The following PKN2 variants were observed in gnomAD, a reference collection of about 807,000 sequenced individuals.
PKN2 encodes the protein serine/threonine-protein kinase N2.
In PKN2, 38 loss-of-function variants were observed where a neutral mutation model predicts 119.1. The observed-to-expected ratio is 0.32, with a 90% CI of 0.25 to 0.42. The LOEUF is 0.42. Ranked by LOEUF, PKN2 falls within the 10% of genes least tolerant of loss-of-function variation. The pLI is 1.00. For missense variants in PKN2, 850 were observed against 1,165.1 expected, an observed-to-expected ratio of 0.73 and a Z score of 3.94; for synonymous variants, 390 against 384.9, an observed-to-expected ratio of 1.01 and a Z score of -0.15.
intron 8 of PKN2, among the ~76,000 whole-genome samples, chr1:88,791,430 A>C (rs1390051420): frequency 7.4e-6 from 1 of 135,146 alleles, no homozygotes; most frequent in East Asian, 2.0e-4. Flanking sequence ...ACTCTGTCTC[A>C]AAAAAAAAAA....
chr1:88,730,528 A>T (rs1668106466), intron 1 of PKN2, among the ~76,000 whole-genome samples: 1 of 152,252 alleles, frequency 6.6e-6, no homozygotes, highest in Non-Finnish European at 1.5e-5. Context: ...AAAAGCTTTC[A>T]TCAAAATCCT....
chr1:88,757,934 C>T (rs1009392250), intron 2 of PKN2, among the ~76,000 whole-genome samples: 2 of 147,434 alleles, frequency 1.4e-5, no homozygotes, highest in Admixed American at 6.9e-5. Context: ...ACTAGCTACT[C>T]GGGAGGCTGA....
chr1:88,816,325 C>T (rs1181335730), intron 16 of PKN2, among the ~76,000 whole-genome samples: 1 of 152,134 alleles, frequency 6.6e-6, no homozygotes, highest in Non-Finnish European at 1.5e-5. Context: ...TGGCTCACTA[C>T]AACCTCTGCC....
intron 16 of PKN2, among the ~76,000 whole-genome samples, chr1:88,814,986 G>A (rs1671926525): frequency 6.6e-6 from 1 of 152,166 alleles, no homozygotes; most frequent in African/African-American, 2.4e-5. Flanking sequence ...TCAAGTTTCA[G>A]ATGAGGGACA....
chr1:88,777,020 C>A (rs529390477), intron 6 of PKN2, among the ~76,000 whole-genome samples: 1 of 152,154 alleles, frequency 6.6e-6, no homozygotes. Flanking sequence ...TCTTTCTTCT[C>A]CCTCTGAGAC....
chr1:88,775,228 T>G (rs1670046004), intron 6 of PKN2, among the ~76,000 whole-genome samples: 1 of 152,144 alleles, frequency 6.6e-6, no homozygotes, highest in East Asian at 1.9e-4. Context: ...CCTCCCAAAG[T>G]GCTAGGATTA....
At chr1:88,776,288 T>C (rs1275614492) in intron 6 of PKN2, among the ~76,000 whole-genome samples, 3 of 137,540 alleles carry the variant, frequency 2.2e-5, no homozygotes, top group African/African-American at 2.6e-5. Context: ...TTCATTTCAA[T>C]CTAAAAGGCT....
At chr1:88,794,135 A>T (rs1160641525) in intron 8 of PKN2, among the ~76,000 whole-genome samples, 1 of 152,210 alleles carries the variant, frequency 6.6e-6, no homozygotes, top group East Asian at 1.9e-4. Flanking sequence ...TGGGAGGCTG[A>T]GGCAGGCAGA....
At chr1:88,824,994 G>A (rs1052051455) in intron 18 of PKN2, among the ~76,000 whole-genome samples, 1 of 152,194 alleles carries the variant, frequency 6.6e-6, no homozygotes, top group African/African-American at 2.4e-5. Flanking sequence ...AATGGACATA[G>A]TTCTTTCTGT....
intron 8 of PKN2, among the ~76,000 whole-genome samples, chr1:88,791,924 T>C (rs1398765779): frequency 6.6e-6 from 1 of 151,928 alleles, no homozygotes; most frequent in African/African-American, 2.4e-5. Flanking sequence ...TAATGGGGAG[T>C]AAAGCACTAT....
At chr1:88,802,469 GTGCGTGCACCA>G (rs1486971859) in intron 8 of PKN2, among the ~76,000 whole-genome samples, 1 of 152,208 alleles carries the variant, frequency 6.6e-6, no homozygotes, top group African/African-American at 2.4e-5. Context: ...GGGACCACAG[GTGCGTGCACCA>G]CGCCCGGCTA....
At chr1:88,734,127 C>G (rs934421347) in intron 1 of PKN2, among the ~76,000 whole-genome samples, 29 of 151,504 alleles carry the variant, frequency 1.9e-4, no homozygotes, top group African/African-American at 7.0e-4. Context: ...CCACTGCACT[C>G]CAGCCTGGGT....
At chr1:88,778,313 C>A (rs1670188160) in intron 6 of PKN2, among the ~76,000 whole-genome samples, 1 of 152,240 alleles carries the variant, frequency 6.6e-6, no homozygotes, top group South Asian at 2.1e-4. Context: ...GGTGTTTCAA[C>A]AGACATTTCC....
At chr1:88,688,344 C>T (rs1032653742) in intron 1 of PKN2, among the ~76,000 whole-genome samples, 6 of 152,142 alleles carry the variant, frequency 3.9e-5, no homozygotes, top group African/African-American at 1.4e-4. Context: ...CTCGGCCTCC[C>T]AAAGTGCTGG....
intron 8 of PKN2, among the ~76,000 whole-genome samples, chr1:88,795,476 C>A (rs994947397): frequency 5.9e-5 from 9 of 152,164 alleles, no homozygotes; most frequent in Non-Finnish European, 1.2e-4. Context: ...AAGTTGTGTT[C>A]AGAATCTGTT....
At chr1:88,762,238 A>C (rs1012919619) in intron 3 of PKN2, among the ~76,000 whole-genome samples, 6 of 152,214 alleles carry the variant, frequency 3.9e-5, no homozygotes, top group African/African-American at 1.4e-4. Context: ...AGATAACCTA[A>C]AACAACCACA....
At chr1:88,718,016 C>T (rs1380139783) in intron 1 of PKN2, among the ~76,000 whole-genome samples, 1 of 152,136 alleles carries the variant, frequency 6.6e-6, no homozygotes, top group Non-Finnish European at 1.5e-5. Flanking sequence ...GATGCTGTTC[C>T]TTTCTGTTTG....
chr1:88,780,395 G>C (rs893406226), intron 6 of PKN2, among the ~76,000 whole-genome samples: 1 of 152,072 alleles, frequency 6.6e-6, no homozygotes, highest in Admixed American at 6.5e-5. Context: ...AACTGAGAAA[G>C]CTTGGGAACC....
intron 15 of PKN2, among the ~76,000 whole-genome samples, chr1:88,810,439 A>T (rs1398834295): frequency 6.6e-6 from 1 of 151,748 alleles, no homozygotes; most frequent in African/African-American, 2.4e-5. Context: ...GCATATTTTT[A>T]AAAGTAATGT....
Sources: allele counts gnomAD v4.1 joint callset (sites outside exome capture counted in the v4.1 genomes callset), GRCh38; gene constraint gnomAD v4.1.1; transcripts MANE v1.5; gene names NCBI Gene and HGNC (gene_info 2026-07-23, HGNC 2026-07-21).